The following PLD5 variants were observed in gnomAD, a reference collection of about 807,000 sequenced individuals.
PLD5 encodes inactive phospholipase D5.
PLD5 carries 36 observed loss-of-function variants against 61.1 expected under a neutral mutation model. The ratio of observed to expected loss-of-function variants is 0.59; its 90% CI spans 0.45 to 0.78. The LOEUF (loss-of-function observed/expected upper bound fraction) is 0.78. PLD5 is among the 30% of genes least tolerant of loss of function. The probability of loss-of-function intolerance (pLI) is 0.00; values close to 1 mark genes in which losing one functional copy is unlikely to be tolerated. For synonymous variants in PLD5, 243 were observed against 242.8 expected (o/e 1.00, Z -0.01); for missense variants, 515 against 644.4 (o/e 0.80, Z 2.17).
intron 5 of PLD5, among the ~76,000 whole-genome samples, chr1:242,155,981 G>C (rs964340641): frequency 6.6e-6 from 1 of 152,182 alleles, no homozygotes; most frequent in Non-Finnish European, 1.5e-5. Context: ...TTGTGTGGGA[G>C]TCTAAGTCTC....
intron 2 of PLD5, among the ~76,000 whole-genome samples, chr1:242,312,724 C>T (rs1408993361): frequency 6.6e-6 from 1 of 152,172 alleles, no homozygotes; most frequent in East Asian, 1.9e-4. Context: ...TAAATCTCTC[C>T]AATTTGCAGA....
At chr1:242,323,649 T>C (rs539255978) in intron 2 of PLD5, among the ~76,000 whole-genome samples, 3 of 152,366 alleles carry the variant, frequency 2.0e-5, no homozygotes, top group Admixed American at 2.0e-4. Context: ...GCATAGGAAC[T>C]GCTGCCCCCA....
chr1:242,241,912 C>T (rs12736328), intron 4 of PLD5, among the ~76,000 whole-genome samples: 30 of 21,924 alleles, frequency 1.4e-3, no homozygotes, highest in African/African-American at 3.8e-3. Context: ...TATATATATA[C>T]TTACTGTATA....
intron 1 of PLD5, among the ~76,000 whole-genome samples, chr1:242,482,370 G>T (rs947031521): frequency 6.6e-6 from 1 of 152,222 alleles, no homozygotes; most frequent in Non-Finnish European, 1.5e-5. Context: ...TAAAGGACCT[G>T]ATGGAGCTGA....
intron 1 of PLD5, among the ~76,000 whole-genome samples, chr1:242,393,465 A>T (rs1275289533): frequency 3.3e-5 from 2 of 61,184 alleles, no homozygotes; most frequent in African/African-American, 6.5e-5. Flanking sequence ...TATATATATG[A>T]GTATATATAT....
intron 1 of PLD5, among the ~76,000 whole-genome samples, chr1:242,361,901 G>A (rs1395312206): frequency 6.6e-6 from 1 of 151,760 alleles, no homozygotes; most frequent in Admixed American, 6.6e-5. Context: ...TTGGGAGGCC[G>A]AGGTGGGAGG....
At chr1:242,375,838 G>A (rs1166615865) in intron 1 of PLD5, among the ~76,000 whole-genome samples, 1 of 152,086 alleles carries the variant, frequency 6.6e-6, no homozygotes, top group Non-Finnish European at 1.5e-5. Context: ...ACGGCCAATT[G>A]CAATACACAG....
At chr1:242,191,419 C>G (rs1668278716) in intron 5 of PLD5, among the ~76,000 whole-genome samples, 2 of 152,050 alleles carry the variant, frequency 1.3e-5, no homozygotes, top group South Asian at 4.2e-4. Flanking sequence ...AACCCCATCT[C>G]TACTATAAAC....
At chr1:242,148,779 T>A (rs2840606) in intron 5 of PLD5, among the ~76,000 whole-genome samples, 127,827 of 151,766 alleles carry the variant, frequency 0.84, 54,332 homozygotes, top group African/African-American at 0.95. Context: ...ATGCTATTGG[T>A]TGGGAACATT....
intron 1 of PLD5, among the ~76,000 whole-genome samples, chr1:242,395,840 G>C (rs1333015574): frequency 2.6e-5 from 4 of 152,154 alleles, no homozygotes; most frequent in African/African-American, 9.7e-5. Context: ...ATGAGGTCAG[G>C]AGTTCAAGAC....
chr1:242,133,497 G>T (rs1357962234), intron 5 of PLD5, among the ~76,000 whole-genome samples: 2 of 151,964 alleles, frequency 1.3e-5, no homozygotes, highest in African/African-American at 4.8e-5. Context: ...CCAATTCTTT[G>T]TTCAAAACAC....
At chr1:242,345,272 T>C (rs1660064967) in intron 2 of PLD5, among the ~76,000 whole-genome samples, 1 of 152,196 alleles carries the variant, frequency 6.6e-6, no homozygotes, top group Non-Finnish European at 1.5e-5. Context: ...AATTCATATC[T>C]TCCCCAAGCT....
chr1:242,507,410 C>A (rs1668764148), intron 1 of PLD5, among the ~76,000 whole-genome samples: 1 of 152,136 alleles, frequency 6.6e-6, no homozygotes, highest in African/African-American at 2.4e-5. Flanking sequence ...TTTGCTGAAA[C>A]CCCCAATTCT....
At chr1:242,498,259 G>A (rs775926332) in intron 1 of PLD5, among the ~76,000 whole-genome samples, 6 of 152,134 alleles carry the variant, frequency 3.9e-5, no homozygotes, top group Non-Finnish European at 8.8e-5. Context: ...CACCGCACCT[G>A]GCCTCTTCAA....
chr1:242,161,836 G>A (rs905540760), intron 5 of PLD5, among the ~76,000 whole-genome samples: 2 of 152,114 alleles, frequency 1.3e-5, no homozygotes, highest in Non-Finnish European at 2.9e-5. Flanking sequence ...TCAAGACAGG[G>A]AACACTGAGG....
chr1:242,527,962 G>A (rs67108417), upstream of PLD5, among the ~76,000 whole-genome samples: 9,782 of 152,192 alleles, frequency 0.064, 616 homozygotes, highest in African/African-American at 0.17. Flanking sequence ...TAGCCCATTC[G>A]CTTCTTGGGA....
At chr1:242,301,764 AC>A (rs201375529) in intron 2 of PLD5, among the ~76,000 whole-genome samples, 2,746 of 38,668 alleles carry the variant, frequency 0.071, 103 homozygotes, top group African/African-American at 0.18. Flanking sequence ...ATTTTTTAAA[AC>A]ATTATTATTA....
At chr1:242,214,599 C>T (rs1448733353) in intron 5 of PLD5, among the ~76,000 whole-genome samples, 1 of 152,160 alleles carries the variant, frequency 6.6e-6, no homozygotes, top group African/African-American at 2.4e-5. Context: ...TTTCCACCAA[C>T]ACTGGAGAAA....
At chr1:242,307,737 A>G (rs3902280) in intron 2 of PLD5, among the ~76,000 whole-genome samples, 139,871 of 150,294 alleles carry the variant, frequency 0.93, 65,821 homozygotes, top group Non-Finnish European at 1. Flanking sequence ...TTTGCGAGTC[A>G]GGCTTCTCCT....
Sources: gnomAD v4.1 joint callset for allele counts (sites outside exome capture counted in the v4.1 genomes callset) on GRCh38, gnomAD v4.1.1 for gene constraint, MANE v1.5 for transcripts, NCBI Gene and HGNC (gene_info 2026-07-23, HGNC 2026-07-21) for gene names.